Variants in P2RY6 observed in about 807,000 individuals in gnomAD.
The protein encoded by P2RY6 is P2Y purinoceptor 6.
P2RY6 carries 19 observed loss-of-function variants against 16.3 expected under a neutral mutation model. The observed-to-expected ratio is 1.16, with a 90% CI of 0.81 to 1.71. The LOEUF (loss-of-function observed/expected upper bound fraction) is 1.71. P2RY6 is among the 40% of genes most tolerant of loss of function. The pLI, the probability that P2RY6 is intolerant of heterozygous loss-of-function variation, is 0.00. For synonymous variants in P2RY6, 184 were observed against 201.5 expected (o/e 0.91, Z 0.74); for missense variants, 389 against 455.5 (o/e 0.85, Z 1.33).
chr11:73,288,104 A>G (rs1342383436), intron 1 of P2RY6, among the ~76,000 whole-genome samples: 1 of 152,226 alleles, frequency 6.6e-6, no homozygotes, highest in African/African-American at 2.4e-5. Flanking sequence ...TCATCTGTAA[A>G]GTGGAAACAG....
chr11:73,296,230 AAAAATAT>A lies in P2RY6; in HGVS notation c.-34-253_-34-247del, dbSNP rs1338233325. Among the ~76,000 whole-genome samples the A allele has an allele frequency of 3.2e-3, 408 of 125,796 alleles. 1 individual carries two copies. Among genetic ancestry groups the A allele is most frequent in the African/African-American group, 0.016 (388 of 24,514 alleles). The allele number at this position is 125,796 out of a possible 152,430, so 82.5% of individuals were successfully genotyped here. On this transcript the variant is annotated intron_variant, in intron 2 of 2. Transcript: ENST00000540124. ...TCACTAGGAAGGCTGAAGGAAAAAA[AAAAATAT>A]ATATATATATATATATATATAATAT...
At chr11:73,273,092 GAAA>G (rs35651681) in intron 1 of P2RY6, among the ~76,000 whole-genome samples, 1 of 130,790 alleles carries the variant, frequency 7.6e-6, no homozygotes, top group African/African-American at 2.8e-5. Flanking sequence ...GAGTGGTTTG[GAAA>G]AAAAAAAAAA....
chr11:73,294,179 CT>C (rs1439198010), intron 1 of P2RY6, among the ~76,000 whole-genome samples: 1 of 152,182 alleles, frequency 6.6e-6, no homozygotes, highest in Non-Finnish European at 1.5e-5. Context: ...TCCTTACACC[CT>C]TTTCCACTCA....
At chr11:73,266,542 G>C (rs35455220) in intron 1 of P2RY6, among the ~76,000 whole-genome samples, 21,006 of 152,106 alleles carry the variant, frequency 0.14, 1,548 homozygotes, top group Non-Finnish European at 0.18. Context: ...TGAGCTGCAA[G>C]CAGAAGTGGA....
At chr11:73,291,202 G>C (rs562631270) in intron 1 of P2RY6, among the ~76,000 whole-genome samples, 1 of 152,196 alleles carries the variant, frequency 6.6e-6, no homozygotes, top group South Asian at 2.1e-4. Flanking sequence ...AGATCTGCAC[G>C]TCTGGGTGGA....
intron 1 of P2RY6, among the ~76,000 whole-genome samples, chr11:73,265,728 G>A (rs911751643): frequency 6.6e-5 from 10 of 152,178 alleles, no homozygotes; most frequent in East Asian, 1.9e-4. Context: ...TGGGGACCAC[G>A]AAGAAGGGGG....
upstream of P2RY6, among the ~76,000 whole-genome samples, chr11:73,270,638 C>G (rs1863261531): frequency 6.6e-6 from 1 of 152,228 alleles, no homozygotes; most frequent in African/African-American, 2.4e-5. Flanking sequence ...CTCTGGACCA[C>G]AGAGGAAGCA....
upstream of P2RY6, among the ~76,000 whole-genome samples, chr11:73,271,036 G>A (rs1863283061): frequency 6.6e-6 from 1 of 152,234 alleles, no homozygotes. Context: ...TGTCTCAAGG[G>A]CAGGACTTTG....
At chr11:73,296,340 G>A in intron 2 of P2RY6, 145 bp from the exon 3 acceptor site, 1 of 641,804 alleles carries the variant, frequency 1.6e-6, no homozygotes, top group East Asian at 2.7e-5. Context: ...GGGCTCTGTG[G>A]GGCTTCACGG....
At chr11:73,290,711 G>A (rs1484837359) in intron 1 of P2RY6, among the ~76,000 whole-genome samples, 1 of 152,254 alleles carries the variant, frequency 6.6e-6, no homozygotes, top group Non-Finnish European at 1.5e-5. Flanking sequence ...CCCAGCAATG[G>A]ACATGCTTTC....
upstream of P2RY6, chr11:73,271,974 G>T (rs1863331986): frequency 6.6e-6 from 1 of 152,162 alleles, no homozygotes; most frequent in Non-Finnish European, 1.5e-5. Context: ...CAGAAGCAGG[G>T]CCATCTCCAG....
intron 1 of P2RY6, among the ~76,000 whole-genome samples, chr11:73,292,295 G>C (rs577018681): frequency 1.3e-5 from 2 of 152,356 alleles, no homozygotes; most frequent in East Asian, 3.9e-4. Flanking sequence ...GAAGAGGGAA[G>C]CGGGGGGAGA....
At chr11:73,275,069 T>C (rs1024508246) in intron 1 of P2RY6, among the ~76,000 whole-genome samples, 1 of 152,182 alleles carries the variant, frequency 6.6e-6, no homozygotes, top group African/African-American at 2.4e-5. Context: ...CAAGACGCAG[T>C]CATTTGGTCT....
intron 1 of P2RY6, among the ~76,000 whole-genome samples, chr11:73,278,146 T>TTTTATTTATTTATTTA (rs59488451): frequency 2.1e-5 from 3 of 145,960 alleles, no homozygotes; most frequent in African/African-American, 7.7e-5. Flanking sequence ...TCCAGGACTG[T>TTTTATTTATTTATTTA]TTTATTTATT....
At chr11:73,274,941 G>A (rs994498492) in intron 1 of P2RY6, among the ~76,000 whole-genome samples, 5 of 152,282 alleles carry the variant, frequency 3.3e-5, no homozygotes, top group Admixed American at 3.3e-4. Flanking sequence ...CTCTCCCTCT[G>A]TGACTGTTGG....
At chr11:73,288,109 A>G (rs1864041140) in intron 1 of P2RY6, among the ~76,000 whole-genome samples, 2 of 152,216 alleles carry the variant, frequency 1.3e-5, no homozygotes, top group African/African-American at 4.8e-5. Context: ...TGTAAAGTGG[A>G]AACAGTAGTT....
At chr11:73,284,911 A>G (rs538384813) in intron 1 of P2RY6, among the ~76,000 whole-genome samples, 2 of 152,344 alleles carry the variant, frequency 1.3e-5, no homozygotes, top group South Asian at 4.1e-4. Context: ...AGAACAGTGT[A>G]TTAAAAGATT....
chr11:73,296,157 A>C lies in P2RY6; in HGVS notation c.-34-328A>C, dbSNP rs183349596. Among the ~76,000 whole-genome samples, 657 of 151,492 alleles carry C rather than the reference A, an allele frequency of 4.3e-3. 4 individuals carry two copies. Among genetic ancestry groups the C allele is most frequent in the Non-Finnish European group, 7.2e-3 (487 of 67,866 alleles). ...AAACCCAAGTCCATCAATCTCCACT[A>C]ACAGAGAAAGAAACATATGATCAGG... is the stretch of plus-strand genomic sequence containing the variant. On this transcript the variant is annotated intron_variant, in intron 2 of 2. Coordinates refer to ENST00000540124, the MANE Select transcript of P2RY6 (RefSeq NM_001277204.2).
intron 1 of P2RY6, among the ~76,000 whole-genome samples, chr11:73,266,448 G>T (rs527242091): frequency 6.6e-6 from 1 of 152,188 alleles, no homozygotes; most frequent in East Asian, 1.9e-4. Flanking sequence ...CTGGAATGAG[G>T]AAAGTCCAGT....
Sources: allele counts gnomAD v4.1 joint callset (sites outside exome capture counted in the v4.1 genomes callset), GRCh38; gene constraint gnomAD v4.1.1; transcripts MANE v1.5; gene names NCBI Gene and HGNC (gene_info 2026-07-23, HGNC 2026-07-21).